The following CDH9 variants were observed in gnomAD, a reference collection of about 807,000 sequenced individuals.
The protein encoded by CDH9 is cadherin-9.
In CDH9, 28 loss-of-function variants were observed where a neutral mutation model predicts 70.9. The observed-to-expected ratio is 0.40, with a 90% confidence interval of 0.29 to 0.54. The LOEUF (loss-of-function observed/expected upper bound fraction) is 0.54, where lower values mean the gene tolerates loss of function less well. Ranked by LOEUF, CDH9 falls within the 20% of genes least tolerant of loss-of-function variation. CDH9 has a pLI of 0.59. For synonymous variants in CDH9, 409 were observed against 343.1 expected, an observed-to-expected ratio of 1.19 and a Z score of -2.12; for missense variants, 874 against 984.4, an observed-to-expected ratio of 0.89 and a Z score of 1.50.
intron 2 of CDH9, among the ~76,000 whole-genome samples, chr5:26,948,897 A>G (rs1741798532): frequency 6.6e-6 from 1 of 152,166 alleles, no homozygotes; most frequent in South Asian, 2.1e-4. Context: ...ATTTCTTAGA[A>G]TCTAGAGGCA....
chr5:26,998,333 T>C (rs1359334968), intron 1 of CDH9, among the ~76,000 whole-genome samples: 1 of 152,156 alleles, frequency 6.6e-6, no homozygotes, highest in Non-Finnish European at 1.5e-5. Context: ...CCAACCCAAA[T>C]GTCCATCAAT....
At chr5:26,896,466 A>G (rs1740751649) in intron 7 of CDH9, among the ~76,000 whole-genome samples, 1 of 151,660 alleles carries the variant, frequency 6.6e-6, no homozygotes, top group Admixed American at 6.6e-5. Flanking sequence ...TATATCATTT[A>G]TACAATAGTA....
intron 1 of CDH9, among the ~76,000 whole-genome samples, chr5:27,014,872 C>A (rs1743019697): frequency 6.6e-6 from 1 of 151,716 alleles, no homozygotes. Context: ...ATCTGTGAAT[C>A]CAAAGTGTTT....
rs192668346 is a variant in CDH9 at position 26,986,708 on chromosome 5, G to C, written c.228+1398C>G. Among the ~76,000 whole-genome samples, 22 of 152,142 alleles carry C rather than the reference G, an allele frequency of 1.4e-4. 1 individual carries two copies. In the East Asian group the frequency reaches 4.3e-3, roughly 29 times the overall value. On this transcript the variant is annotated intron_variant, in intron 2 of 11. Coordinates refer to ENST00000231021, the MANE Select transcript of CDH9 (RefSeq NM_016279.4). ...CCTTTATACACTTCCTTGGAGAATC[G>C]TAAGGCAATTTCACATCCTTAGACA...
At chr5:26,934,113 G>C (rs1353340244) in intron 2 of CDH9, among the ~76,000 whole-genome samples, 1 of 152,120 alleles carries the variant, frequency 6.6e-6, no homozygotes, top group Non-Finnish European at 1.5e-5. Context: ...AAGGAAGAAA[G>C]AGAGAGGGGA....
intron 1 of CDH9, among the ~76,000 whole-genome samples, chr5:26,994,004 T>C (rs893188468): frequency 6.6e-6 from 1 of 152,162 alleles, no homozygotes; most frequent in Non-Finnish European, 1.5e-5. Context: ...TTGTTGGGTT[T>C]TAAACTTGCT....
chr5:27,025,048 CTA>C (rs1304132556), intron 1 of CDH9, among the ~76,000 whole-genome samples: 1 of 152,006 alleles, frequency 6.6e-6, no homozygotes, highest in African/African-American at 2.4e-5. Flanking sequence ...TAGAAAATAT[CTA>C]TTAATTTTTT....
intron 1 of CDH9, among the ~76,000 whole-genome samples, chr5:27,027,587 C>T (rs1360308542): frequency 6.6e-6 from 1 of 152,044 alleles, no homozygotes; most frequent in Non-Finnish European, 1.5e-5. Flanking sequence ...CTCAAACTCA[C>T]ACATGAAGTA....
chr5:26,921,746 C>A (rs930967246), intron 2 of CDH9, among the ~76,000 whole-genome samples: 1 of 152,116 alleles, frequency 6.6e-6, no homozygotes, highest in African/African-American at 2.4e-5. Context: ...TAAATGGTCT[C>A]TTTGCCGAAT....
rs1740559217 is a variant in CDH9 at position 26,885,948 on chromosome 5, T to C, written c.1630+18A>G. On this transcript the variant is annotated intron_variant, in intron 10 of 11. Transcript: ENST00000231021. ...TCTTAAAGTTTCATAATTTTTAGTT[T>C]TAGAAATTTTCTTATACCTTTATTA... 6.3e-7 allele frequency: 1 copy of C among 1,588,842 alleles called. No individual in the cohort carries two copies.
intron 5 of CDH9, 80 bp downstream of exon 5, chr5:26,905,879 G>A: frequency 1.9e-6 from 2 of 1,033,804 alleles, no homozygotes; most frequent in Non-Finnish European, 3.0e-6. Flanking sequence ...AAAACTACTA[G>A]TATGAAATGT....
intron 1 of CDH9, among the ~76,000 whole-genome samples, chr5:27,002,853 G>A (rs995253767): frequency 2.6e-5 from 4 of 151,836 alleles, no homozygotes; most frequent in Non-Finnish European, 4.4e-5. Context: ...CACCAACATG[G>A]CACATGTACA....
At chr5:26,994,165 T>G (rs145574766) in intron 1 of CDH9, among the ~76,000 whole-genome samples, 5 of 152,300 alleles carry the variant, frequency 3.3e-5, no homozygotes, top group Non-Finnish European at 5.9e-5. Context: ...TTACTCAGGA[T>G]AAATAATACC....
chr5:26,945,782 G>T (rs540641376), intron 2 of CDH9, among the ~76,000 whole-genome samples: 2 of 152,270 alleles, frequency 1.3e-5, no homozygotes, highest in South Asian at 2.1e-4. Context: ...CGGAAACCTG[G>T]AAAGAGAAAG....
chr5:26,937,552 T>A (rs1369133344), intron 2 of CDH9, among the ~76,000 whole-genome samples: 3 of 152,166 alleles, frequency 2.0e-5, no homozygotes, highest in Non-Finnish European at 4.4e-5. Flanking sequence ...GTATAGCAAC[T>A]TTATGCATAA....
At chr5:26,936,567 G>A (rs935498923) in intron 2 of CDH9, among the ~76,000 whole-genome samples, 1 of 152,078 alleles carries the variant, frequency 6.6e-6, no homozygotes, top group East Asian at 1.9e-4. Context: ...CCATGAAAAG[G>A]TAAAAAATTC....
At chr5:26,933,318 C>T (rs150266972) in intron 2 of CDH9, among the ~76,000 whole-genome samples, 2 of 151,450 alleles carry the variant, frequency 1.3e-5, no homozygotes, top group Non-Finnish European at 2.9e-5. Context: ...GGACTTCCAT[C>T]CTCTAGAACC....
intron 7 of CDH9, among the ~76,000 whole-genome samples, chr5:26,897,762 A>G (rs1023647561): frequency 2.0e-5 from 3 of 152,174 alleles, no homozygotes; most frequent in Non-Finnish European, 4.4e-5. Context: ...CTGGCACAAG[A>G]CAAGGATGTC....
At chr5:26,931,843 GAATATACGAA>G (rs1409088336) in intron 2 of CDH9, among the ~76,000 whole-genome samples, 41 of 151,970 alleles carry the variant, frequency 2.7e-4, no homozygotes, top group African/African-American at 7.0e-4. Flanking sequence ...AGACTTCAAA[GAATATACGAA>G]AATTTGCAAT....
Sources: gnomAD v4.1 joint callset for allele counts (sites outside exome capture counted in the v4.1 genomes callset) on GRCh38, gnomAD v4.1.1 for gene constraint, MANE v1.5 for transcripts, NCBI Gene and HGNC (gene_info 2026-07-23, HGNC 2026-07-21) for gene names.